TENM3: variants seen among roughly 807,000 people sequenced by gnomAD.
TENM3 encodes teneurin-3.
Under a neutral mutation model 255.1 loss-of-function variants are expected in TENM3, and 63 were observed. That is an observed-to-expected ratio of 0.25 (90% CI 0.20 to 0.30). The LOEUF (loss-of-function observed/expected upper bound fraction) is 0.30, where lower values mean the gene tolerates loss of function less well. Among genes scored for constraint, TENM3 ranks in the 10% least tolerant of loss-of-function variants. The probability of loss-of-function intolerance (pLI) is 1.00; values close to 1 mark genes in which losing one functional copy is unlikely to be tolerated. For synonymous variants in TENM3, 1,306 were observed against 1,322.3 expected (o/e 0.99, Z 0.27); for missense variants, 2,929 against 3,461.1 (o/e 0.85, Z 3.86).
chr4:182,470,510 A>G (rs1733015350), intron 3 of TENM3, among the ~76,000 whole-genome samples: 1 of 152,336 alleles, frequency 6.6e-6, no homozygotes, highest in East Asian at 1.9e-4. Flanking sequence ...AATAGGATGT[A>G]TGTAGAATTT....
the TENM3 span, among the ~76,000 whole-genome samples, chr4:181,925,756 T>C: frequency 6.6e-6 from 1 of 152,216 alleles, no homozygotes; most frequent in African/African-American, 2.4e-5. Context: ...CAGCATCTCC[T>C]TTTATGTTTG....
the TENM3 span, among the ~76,000 whole-genome samples, chr4:181,815,095 G>A: frequency 2.0e-5 from 3 of 152,210 alleles, no homozygotes; most frequent in East Asian, 5.8e-4. Flanking sequence ...AACAAGAGAT[G>A]CAAAAGAGAT....
At chr4:181,665,864 A>C in the TENM3 span, among the ~76,000 whole-genome samples, 1 of 152,090 alleles carries the variant, frequency 6.6e-6, no homozygotes, top group Non-Finnish European at 1.5e-5. Context: ...TATATATCTA[A>C]AAATCTTAAA....
chr4:182,168,182 C>T (rs1171559652), intron 1 of TENM3, among the ~76,000 whole-genome samples: 4 of 151,494 alleles, frequency 2.6e-5, no homozygotes, highest in Admixed American at 1.3e-4. Flanking sequence ...ACACCCAGGC[C>T]GGAGTGCAGT....
At chr4:182,647,126 T>C (rs928051723) in intron 5 of TENM3, among the ~76,000 whole-genome samples, 4 of 152,212 alleles carry the variant, frequency 2.6e-5, no homozygotes, top group African/African-American at 9.6e-5. Flanking sequence ...CTTCATACCG[T>C]CTGGGTTAAG....
At chr4:182,674,860 C>T (rs1007896479) in intron 7 of TENM3, among the ~76,000 whole-genome samples, 18 of 152,030 alleles carry the variant, frequency 1.2e-4, no homozygotes, top group South Asian at 2.1e-4. Flanking sequence ...CATGAGCCAC[C>T]GCGTCTGGGC....
At chr4:182,700,387 C>CAG (rs1182045768) in intron 12 of TENM3, among the ~76,000 whole-genome samples, 1 of 152,140 alleles carries the variant, frequency 6.6e-6, no homozygotes, top group Admixed American at 6.5e-5. Flanking sequence ...AGCCTCTTTT[C>CAG]ATTTTAAAAC....
the TENM3 span, among the ~76,000 whole-genome samples, chr4:181,605,534 GAAAGAAAGAAAGAAAGAAAGAAAGAA>G: frequency 1.8e-4 from 4 of 22,190 alleles, no homozygotes; most frequent in African/African-American, 4.4e-4. Context: ...AAGAAAGAAA[GAAAGAAAGAAAGAAAGAAAGAAAGAA>G]AGAAAGAAAG....
intron 3 of TENM3, chr4:182,448,988 A>C (rs1580581678): frequency 2.5e-6 from 1 of 399,498 alleles, no homozygotes; most frequent in Non-Finnish European, 5.0e-6. Context: ...CCGAGCCCGG[A>C]GCCAGGCGCT....
chr4:182,225,452 C>A (rs2149984502), intron 1 of TENM3, among the ~76,000 whole-genome samples: 1 of 152,190 alleles, frequency 6.6e-6, no homozygotes, highest in South Asian at 2.1e-4. Context: ...GTCCGATGGG[C>A]AAAACAGAGC....
the TENM3 span, among the ~76,000 whole-genome samples, chr4:181,942,269 C>CTTTTTTTTTTTTTTTTTTTCT: frequency 9.4e-6 from 1 of 106,150 alleles, no homozygotes; most frequent in Non-Finnish European, 1.8e-5. Flanking sequence ...GATGTTGGGC[C>CTTTTTTTTTTTTTTTTTTTCT]TTTTTTTTTT....
chr4:182,137,340 C>CG, the TENM3 span, among the ~76,000 whole-genome samples: 67 of 150,788 alleles, frequency 4.4e-4, no homozygotes, highest in African/African-American at 1.3e-3. Flanking sequence ...ACCTCCCCCC[C>CG]CCCAAAAAGG....
Position 182,651,934 on chromosome 4 carries a change from T to C in TENM3, c.989-1837T>C, listed in dbSNP as rs996077997. 4.6e-5 allele frequency among the ~76,000 whole-genome samples: 7 copies of C among 152,298 alleles called. No individual in the cohort carries two copies. In the East Asian group the frequency reaches 1.3e-3, roughly 29 times the overall value. On this transcript the variant is annotated intron_variant, in intron 5 of 27. Coordinates refer to ENST00000511685, the MANE Select transcript of TENM3 (RefSeq NM_001080477.4). ...TTTTTAAAGTTTAGTTAATTACATA[T>C]AGTAGTAGTAGACTTTCAGTCAACT...
intron 1 of TENM3, among the ~76,000 whole-genome samples, chr4:182,289,122 C>T (rs764183837): frequency 1.3e-5 from 2 of 152,164 alleles, no homozygotes; most frequent in Non-Finnish European, 2.9e-5. Flanking sequence ...CCCAGCTACT[C>T]TGGAGGCTGA....
chr4:182,368,957 A>G (rs1766608569), intron 3 of TENM3, among the ~76,000 whole-genome samples: 1 of 152,152 alleles, frequency 6.6e-6, no homozygotes, highest in Non-Finnish European at 1.5e-5. Flanking sequence ...ACTCCAACCA[A>G]TGCTGGTTCT....
At chr4:181,960,077 G>A in the TENM3 span, among the ~76,000 whole-genome samples, 21 of 152,158 alleles carry the variant, frequency 1.4e-4, no homozygotes, top group African/African-American at 4.3e-4. Flanking sequence ...TTGAAGCAAA[G>A]TGTATATTTA....
chr4:181,787,924 G>A, the TENM3 span, among the ~76,000 whole-genome samples: 1 of 152,084 alleles, frequency 6.6e-6, no homozygotes, highest in Admixed American at 6.5e-5. Context: ...GAGCCCCGGA[G>A]GTCAAGGCTG....
chr4:181,995,232 G>C, the TENM3 span, among the ~76,000 whole-genome samples: 1 of 152,116 alleles, frequency 6.6e-6, no homozygotes, highest in East Asian at 1.9e-4. Context: ...GGAGGTTGCA[G>C]TGAGCTAAGA....
chr4:182,422,007 A>G (rs1770875030), intron 3 of TENM3, among the ~76,000 whole-genome samples: 1 of 152,204 alleles, frequency 6.6e-6, no homozygotes, highest in Non-Finnish European at 1.5e-5. Flanking sequence ...GTGGTTAGAA[A>G]AAAAACTGTT....
Sources: gnomAD v4.1 joint callset for allele counts (sites outside exome capture counted in the v4.1 genomes callset) on GRCh38, gnomAD v4.1.1 for gene constraint, MANE v1.5 for transcripts, NCBI Gene and HGNC (gene_info 2026-07-23, HGNC 2026-07-21) for gene names.